The following ANO10 variants were observed in gnomAD, a reference collection of about 807,000 sequenced individuals.
ANO10 encodes anoctamin 10.
In ANO10, 77 loss-of-function variants were observed where a neutral mutation model predicts 74.7. The observed-to-expected ratio is 1.03, with a 90% CI of 0.86 to 1.25. The LOEUF is 1.25. Among genes scored for constraint, ANO10 ranks in the 50% most tolerant of loss-of-function variants. The pLI, the probability that ANO10 is intolerant of heterozygous loss-of-function variation, is 0.00. For synonymous variants in ANO10, 279 were observed against 284.9 expected, an observed-to-expected ratio of 0.98 and a Z score of 0.21; for missense variants, 721 against 778.1, an observed-to-expected ratio of 0.93 and a Z score of 0.87.
chr3:43,610,493 G>A (rs1428319345), intron 1 of ANO10, among the ~76,000 whole-genome samples: 1 of 152,112 alleles, frequency 6.6e-6, no homozygotes, highest in Non-Finnish European at 1.5e-5. Flanking sequence ...CTACTTTTAT[G>A]CAACTGGCAG....
intron 1 of ANO10, among the ~76,000 whole-genome samples, chr3:43,638,355 T>C (rs973436742): frequency 6.6e-6 from 1 of 152,240 alleles, no homozygotes. Context: ...TTTATGGTGT[T>C]AATAAAAATA....
chr3:43,453,497 T>C (rs1268449542), intron 11 of ANO10, among the ~76,000 whole-genome samples: 2 of 152,224 alleles, frequency 1.3e-5, no homozygotes, highest in Non-Finnish European at 2.9e-5. Context: ...TTTTCTTTTA[T>C]TGCTTGTGCT....
chr3:43,473,322 G>A (rs758548915), intron 11 of ANO10, among the ~76,000 whole-genome samples: 21 of 151,864 alleles, frequency 1.4e-4, no homozygotes, highest in African/African-American at 3.9e-4. Flanking sequence ...GCCCAGCGCC[G>A]TCTACACTCT....
intron 11 of ANO10, among the ~76,000 whole-genome samples, chr3:43,500,128 G>A (rs1239065063): frequency 1.3e-5 from 2 of 152,144 alleles, no homozygotes; most frequent in Non-Finnish European, 2.9e-5. Context: ...TTAGAGGCGT[G>A]AGCCACTGCG....
At chr3:43,637,618 T>C (rs576633949) in intron 1 of ANO10, 85 of 146,940 alleles carry the variant, frequency 5.8e-4, no homozygotes, top group African/African-American at 2.0e-3. Context: ...AAAGAAGCAG[T>C]AGGGCAGTGC....
At chr3:43,557,461 C>T (rs766427976) in intron 9 of ANO10, among the ~76,000 whole-genome samples, 11 of 152,012 alleles carry the variant, frequency 7.2e-5, no homozygotes, top group Admixed American at 2.0e-4. Context: ...TTTGGCCAGG[C>T]GCAGTGGCTC....
chr3:43,570,454 C>A (rs931079232), intron 7 of ANO10, among the ~76,000 whole-genome samples: 18 of 151,770 alleles, frequency 1.2e-4, no homozygotes, highest in African/African-American at 4.3e-4. Flanking sequence ...CTACAGTCAC[C>A]AAAACAGCAT....
At chr3:43,625,531 T>C (rs947261151), upstream of ANO10, among the ~76,000 whole-genome samples, 9 of 152,216 alleles carry the variant, frequency 5.9e-5, no homozygotes, top group Non-Finnish European at 1.5e-5. Flanking sequence ...GTGGACTTAC[T>C]CTATTTTGGT....
At position 43,616,541 on chromosome 3, in the gene ANO10, T is replaced by C. The variant is rs184407220; in HGVS notation, c.-12+5368A>G. Among the ~76,000 whole-genome samples, 6 of 152,290 alleles carry C rather than the reference T, an allele frequency of 3.9e-5. 1 individual carries two copies. The South Asian group carries it at 1.0e-3, about 26-fold the overall frequency. ...ATTCTGCTTTAAGCAATGAGAATCA[T>C]GTAGGTAGAGGGAAGACAGGCTGCT... On this transcript the variant is annotated intron_variant, in intron 1 of 12. Transcript: ENST00000292246.
At chr3:43,440,248 T>C (rs1174583346) in intron 11 of ANO10, among the ~76,000 whole-genome samples, 5 of 151,862 alleles carry the variant, frequency 3.3e-5, no homozygotes, top group African/African-American at 7.3e-5. Context: ...TCAAAAGACA[T>C]AGAGTGGCTG....
At chr3:43,455,801 T>C (rs1327873154) in intron 11 of ANO10, among the ~76,000 whole-genome samples, 3 of 152,068 alleles carry the variant, frequency 2.0e-5, no homozygotes, top group East Asian at 1.9e-4. Flanking sequence ...ACCTTTTTTT[T>C]TTCCAACAGA....
intron 12 of ANO10, among the ~76,000 whole-genome samples, chr3:43,413,836 G>A (rs2092700074): frequency 6.6e-6 from 1 of 151,672 alleles, no homozygotes; most frequent in Non-Finnish European, 1.5e-5. Context: ...CTGTTACCAG[G>A]AAAGTAGCCT....
At chr3:43,550,372 T>G (rs776536943) in intron 10 of ANO10, among the ~76,000 whole-genome samples, 1 of 152,310 alleles carries the variant, frequency 6.6e-6, no homozygotes, top group East Asian at 1.9e-4. Flanking sequence ...TAGAAAAATA[T>G]AGATGCTAGG....
At chr3:43,501,175 T>C (rs887380474) in intron 11 of ANO10, among the ~76,000 whole-genome samples, 1 of 152,134 alleles carries the variant, frequency 6.6e-6, no homozygotes, top group Non-Finnish European at 1.5e-5. Context: ...CTCAGGCTGC[T>C]TCCACTCATG....
At chr3:43,516,334 G>GGAGAAAATTCCAGGCCA (rs1408933399) in intron 11 of ANO10, among the ~76,000 whole-genome samples, 13 of 152,264 alleles carry the variant, frequency 8.5e-5, no homozygotes, top group Admixed American at 4.6e-4. Flanking sequence ...AAATTGGATG[G>GGAGAAAATTCCAGGCCA]GAGAAAATTC....
chr3:43,532,687 C>A (rs1323802883), intron 11 of ANO10, among the ~76,000 whole-genome samples: 1 of 152,310 alleles, frequency 6.6e-6, no homozygotes, highest in Admixed American at 6.5e-5. Flanking sequence ...CACCAAAAAT[C>A]TCTCAAGCTA....
At chr3:43,448,351 C>G (rs1028400556) in intron 11 of ANO10, among the ~76,000 whole-genome samples, 1 of 152,090 alleles carries the variant, frequency 6.6e-6, no homozygotes, top group South Asian at 2.1e-4. Flanking sequence ...CCTTGCATCT[C>G]TTCCCTCCCC....
intron 12 of ANO10, among the ~76,000 whole-genome samples, chr3:43,422,671 C>G (rs546636387): frequency 5.8e-4 from 89 of 152,218 alleles, no homozygotes; most frequent in Non-Finnish European, 9.7e-4. Context: ...AAATTTTATT[C>G]CATTTCACAG....
chr3:43,368,733 C>CTGGA (rs1325782787), intron 12 of ANO10, among the ~76,000 whole-genome samples: 1 of 150,498 alleles, frequency 6.6e-6, no homozygotes, highest in Non-Finnish European at 1.5e-5. Flanking sequence ...GTTGCCCAGG[C>CTGGA]TGGAGTGCAG....
Sources: allele counts gnomAD v4.1 joint callset (sites outside exome capture counted in the v4.1 genomes callset), GRCh38; gene constraint gnomAD v4.1.1; transcripts MANE v1.5; gene names NCBI Gene and HGNC (gene_info 2026-07-23, HGNC 2026-07-21).